The following SLC25A21 variants were observed in gnomAD, a reference collection of about 807,000 sequenced individuals.
SLC25A21 encodes the protein mitochondrial 2-oxodicarboxylate carrier.
Under a neutral mutation model 43.8 loss-of-function variants are expected in SLC25A21, and 47 were observed. The ratio of observed to expected loss-of-function variants is 1.07; its 90% confidence interval spans 0.85 to 1.37. The LOEUF (loss-of-function observed/expected upper bound fraction) is 1.37, where lower values mean the gene tolerates loss of function less well. SLC25A21 is among the 40% of genes most tolerant of loss of function. The pLI is 0.00. For synonymous variants in SLC25A21, 131 were observed against 121.3 expected (o/e 1.08, Z -0.52); for missense variants, 352 against 350.2 (o/e 1.00, Z -0.04).
intron 1 of SLC25A21, among the ~76,000 whole-genome samples, chr14:37,098,805 A>ATAGAT (rs1555346903): frequency 8.5e-5 from 11 of 129,536 alleles, no homozygotes; most frequent in African/African-American, 3.0e-4. Context: ...AGATAGATAG[A>ATAGAT]TTTTTTTTTT....
chr14:37,169,934 T>G (rs1964093668), intron 1 of SLC25A21, among the ~76,000 whole-genome samples: 1 of 152,160 alleles, frequency 6.6e-6, no homozygotes, highest in Non-Finnish European at 1.5e-5. Context: ...TATCCTAATT[T>G]GCATTTATAT....
At chr14:36,951,692 G>A (rs1478872793) in intron 1 of SLC25A21, among the ~76,000 whole-genome samples, 5 of 152,030 alleles carry the variant, frequency 3.3e-5, no homozygotes, top group Non-Finnish European at 5.9e-5. Context: ...ATCCAGTCTA[G>A]GCCTGGCTGG....
Position 37,164,116 on chromosome 14 carries a change from A to T in SLC25A21, c.70+8165T>A, listed in dbSNP as rs558655045. 3.9e-5 allele frequency among the ~76,000 whole-genome samples: 6 copies of T among 152,326 alleles called. No individual in the cohort carries two copies. In the East Asian group the frequency reaches 1.2e-3, roughly 29 times the overall value. On this transcript the variant is annotated intron_variant, in intron 1 of 9. Transcript: ENST00000331299. ...TATGTCAGTTGAATCATATAGCCAC[A>T]TATTAAGGGTAGTTACACTTTTAAA... is the stretch of plus-strand genomic sequence containing the variant.
At chr14:37,106,289 G>C (rs1485674619) in intron 1 of SLC25A21, among the ~76,000 whole-genome samples, 1 of 152,112 alleles carries the variant, frequency 6.6e-6, no homozygotes, top group Non-Finnish European at 1.5e-5. Context: ...ATAAATGGAA[G>C]TGCAAGTAGG....
intron 1 of SLC25A21, among the ~76,000 whole-genome samples, chr14:37,100,300 T>C (rs1962792715): frequency 6.6e-6 from 1 of 151,784 alleles, no homozygotes; most frequent in Admixed American, 6.6e-5. Flanking sequence ...CTCAGGTGTT[T>C]CCCCGCCTCG....
intron 1 of SLC25A21, among the ~76,000 whole-genome samples, chr14:37,153,766 C>A (rs74047222): frequency 2.0e-5 from 3 of 152,180 alleles, no homozygotes; most frequent in Admixed American, 2.0e-4. Flanking sequence ...ACAAGCCCCA[C>A]GAGCCTAGCT....
At position 37,128,538 on chromosome 14, in the gene SLC25A21, C is replaced by CTCTGTG. The variant is rs1555348857; in HGVS notation, c.70+43742_70+43743insCACAGA. ...ACTTTCTGTCTCTCTCTCTCTCTCT[C>CTCTGTG]TGTGTGTGTGTGTGTGTGTGTGTGT... On this transcript the variant is annotated intron_variant, in intron 1 of 9. Coordinates refer to ENST00000331299, the MANE Select transcript of SLC25A21 (RefSeq NM_030631.4). Among the ~76,000 whole-genome samples, 341 of 122,796 alleles carry CTCTGTG rather than the reference C, an allele frequency of 2.8e-3. 2 individuals carry two copies. The highest frequency in any genetic ancestry group is 8.0e-3 in the East Asian group (31 of 3,880). 80.6% of individuals were successfully genotyped at this position (122,796 alleles called of 152,430 possible). A position where few individuals can be genotyped will look rare whatever the true frequency, so the allele number is the denominator to read the frequency against.
chr14:36,732,381 G>A (rs1018871030), intron 4 of SLC25A21, among the ~76,000 whole-genome samples: 5 of 152,032 alleles, frequency 3.3e-5, no homozygotes, highest in African/African-American at 9.7e-5. Context: ...TGAAGCTCAA[G>A]ACTGGACCCT....
intron 1 of SLC25A21, among the ~76,000 whole-genome samples, chr14:37,066,428 A>C (rs974973798): frequency 6.6e-5 from 10 of 152,212 alleles, no homozygotes; most frequent in African/African-American, 2.4e-4. Flanking sequence ...ATAAAATGAT[A>C]TCGAGGACAT....
At chr14:36,895,783 T>C (rs1394349358) in intron 1 of SLC25A21, among the ~76,000 whole-genome samples, 3 of 152,244 alleles carry the variant, frequency 2.0e-5, no homozygotes, top group Non-Finnish European at 4.4e-5. Flanking sequence ...ATTTCTGCCT[T>C]CATTTCGTTA....
At chr14:36,890,297 AG>A (rs1294944644) in intron 1 of SLC25A21, among the ~76,000 whole-genome samples, 1 of 152,200 alleles carries the variant, frequency 6.6e-6, no homozygotes, top group African/African-American at 2.4e-5. Flanking sequence ...GTGTGGGTTT[AG>A]GAAGACTCAC....
intron 6 of SLC25A21, 76 bp from the exon 7 acceptor site, chr14:36,711,558 C>A: frequency 6.8e-7 from 1 of 1,464,126 alleles, no homozygotes; most frequent in Non-Finnish European, 9.2e-7. Context: ...TATTAACTTC[C>A]CTTCAAGCCA....
rs556544958 is a variant in SLC25A21 at position 36,882,883 on chromosome 14, C to A, written c.71-7879G>T. Among the ~76,000 whole-genome samples, 164 of 151,856 alleles carry A rather than the reference C, an allele frequency of 1.1e-3. 1 individual carries two copies. Among genetic ancestry groups the A allele is most frequent in the Non-Finnish European group, 9.7e-4 (66 of 67,952 alleles). On this transcript the variant is annotated intron_variant, in intron 1 of 9. Coordinates refer to ENST00000331299, the MANE Select transcript of SLC25A21 (RefSeq NM_030631.4). Reference sequence around the variant, plus strand: ...ACCTTAGAATCATTCTGGATGCTTCCGTCTCTCTCACAACTCTCTTCGAAT... The same window carrying A: ...ACCTTAGAATCATTCTGGATGCTTCAGTCTCTCTCACAACTCTCTTCGAAT...
intron 3 of SLC25A21, among the ~76,000 whole-genome samples, chr14:36,745,825 T>A (rs1325394010): frequency 1.3e-5 from 2 of 152,152 alleles, no homozygotes; most frequent in Admixed American, 1.3e-4. Flanking sequence ...AAAGAAGACA[T>A]ACACGTGGCC....
chr14:36,880,615 A>G, intron 1 of SLC25A21, among the ~76,000 whole-genome samples: 1 of 147,582 alleles, frequency 6.8e-6, no homozygotes, highest in East Asian at 2.0e-4. Flanking sequence ...AATGCTCATT[A>G]GGGTTTCTGC....
At chr14:37,116,367 T>A (rs561209001) in intron 1 of SLC25A21, among the ~76,000 whole-genome samples, 101 of 152,310 alleles carry the variant, frequency 6.6e-4, no homozygotes, top group Middle Eastern at 3.4e-3. Context: ...TTTGTGTGCA[T>A]CTTACAACAC....
chr14:36,935,254 C>A (rs1271635573), intron 1 of SLC25A21, among the ~76,000 whole-genome samples: 3 of 152,128 alleles, frequency 2.0e-5, no homozygotes, highest in African/African-American at 7.2e-5. Context: ...AATCTTGAAT[C>A]ATCACTGAAT....
intron 1 of SLC25A21, among the ~76,000 whole-genome samples, chr14:37,150,080 A>T (rs1002674551): frequency 6.6e-6 from 1 of 152,124 alleles, no homozygotes; most frequent in Non-Finnish European, 1.5e-5. Flanking sequence ...CATATACCCA[A>T]TTTCTTATGT....
At chr14:37,160,812 C>T (rs1468050498) in intron 1 of SLC25A21, among the ~76,000 whole-genome samples, 1 of 151,722 alleles carries the variant, frequency 6.6e-6, no homozygotes, top group African/African-American at 2.4e-5. Flanking sequence ...TGCCTGCAAT[C>T]CCAGCTACTC....
Sources: gnomAD v4.1 joint callset for allele counts (sites outside exome capture counted in the v4.1 genomes callset) on GRCh38, gnomAD v4.1.1 for gene constraint, MANE v1.5 for transcripts, NCBI Gene and HGNC (gene_info 2026-07-23, HGNC 2026-07-21) for gene names.